The following GANC variants were observed in gnomAD, a reference collection of about 807,000 sequenced individuals.
GANC encodes neutral alpha-glucosidase C.
A neutral mutation model predicts 124.2 loss-of-function variants in GANC; 117 were observed. That is an observed-to-expected ratio of 0.94 (90% confidence interval 0.81 to 1.10). The LOEUF is 1.10. Ranked by LOEUF, GANC falls within the 50% of genes least tolerant of loss-of-function variation. The pLI is 0.00. For synonymous variants in GANC, 377 were observed against 376.8 expected (o/e 1.00, Z -0.01); for missense variants, 1,140 against 1,095.0 (o/e 1.04, Z -0.58).
At chr15:42,305,503 G>A (rs548157565) in intron 6 of GANC, among the ~76,000 whole-genome samples, 1 of 152,250 alleles carries the variant, frequency 6.6e-6, no homozygotes, top group East Asian at 1.9e-4. Flanking sequence ...GTTGGTGGGA[G>A]TGTAAATTAG....
At chr15:42,343,583 T>C (rs564096622) in intron 19 of GANC, among the ~76,000 whole-genome samples, 8 of 152,156 alleles carry the variant, frequency 5.3e-5, no homozygotes, top group Non-Finnish European at 7.4e-5. Context: ...CTCACTGAAG[T>C]GGGTAAAAAG....
At chr15:42,296,190 C>T (rs558852092) in intron 5 of GANC, among the ~76,000 whole-genome samples, 2 of 151,692 alleles carry the variant, frequency 1.3e-5, no homozygotes, top group Non-Finnish European at 2.9e-5. Context: ...AGTATTGATC[C>T]CTTTATCATT....
At chr15:42,340,864 T>G (rs2052325024) in intron 18 of GANC, 110 bp downstream of exon 18, 1 of 814,326 alleles carries the variant, frequency 1.2e-6, no homozygotes, top group Non-Finnish European at 1.9e-6. Context: ...CCTCCCGGTT[T>G]CAAGAAATTG....
rs778977423 is a variant in GANC, at chr15:42,351,448, A to G, written c.2635+16A>G. The G allele has an allele frequency of 3.3e-6, 5 of 1,536,510 alleles. No homozygotes were observed. In the East Asian group the frequency reaches 9.0e-5, roughly 28 times the overall value. ...CACTCATCTGGTGAGAAAGCAGTCCATTCTTACCTCACCATTTGTTTTTAT... is the reference window on the plus strand; with the variant it reads ...CACTCATCTGGTGAGAAAGCAGTCCGTTCTTACCTCACCATTTGTTTTTAT... On this transcript the variant is annotated intron_variant, in intron 23 of 23. Coordinates refer to ENST00000318010, the MANE Select transcript of GANC (RefSeq NM_198141.3).
intron 19 of GANC, 27 bp downstream of exon 19, chr15:42,343,181 GA>G (rs974498164): frequency 1.3e-6 from 2 of 1,577,134 alleles, no homozygotes; most frequent in Middle Eastern, 1.7e-4. Flanking sequence ...CCACATATCT[GA>G]TATGTCTCAT....
At chr15:42,284,627 A>G (rs927093230) in intron 3 of GANC, among the ~76,000 whole-genome samples, 18 of 152,140 alleles carry the variant, frequency 1.2e-4, no homozygotes, top group African/African-American at 4.3e-4. Flanking sequence ...ATTGGATATT[A>G]ACACATCTTA....
chr15:42,315,654 C>T (rs955962884), intron 10 of GANC, among the ~76,000 whole-genome samples: 2 of 152,066 alleles, frequency 1.3e-5, no homozygotes, highest in African/African-American at 2.4e-5. Context: ...TTGACTAGGT[C>T]GTGGTACCCA....
At chr15:42,307,337 C>T (rs1595772028) in intron 7 of GANC, among the ~76,000 whole-genome samples, 1 of 135,048 alleles carries the variant, frequency 7.4e-6, no homozygotes. Context: ...ATCTTTTTAT[C>T]TTTTTTTTTT....
rs1050848791 is a variant in GANC, at chr15:42,273,566, G to C, written c.-916G>C. On this transcript the variant is annotated 5_prime_UTR_variant, in exon 1 of 24. Transcript: ENST00000318010. ...TCTCTCAGACAGTCGTCTGTGCGCCGTGAGACTTTGGACCTACTGCGCAGG... is the reference window on the plus strand; with the variant it reads ...TCTCTCAGACAGTCGTCTGTGCGCCCTGAGACTTTGGACCTACTGCGCAGG... 3.2e-6 allele frequency: 4 copies of C among 1,244,904 alleles called. No homozygotes were observed. Among genetic ancestry groups the C allele is most frequent in the Non-Finnish European group, 2.2e-6 (2 of 917,764 alleles). The allele number at this position is 1,244,904 out of a possible 1,614,324, so 77.1% of individuals were successfully genotyped here. A position where few individuals can be genotyped will look rare whatever the true frequency, so the allele number is the denominator to read the frequency against.
chr15:42,286,247 C>A (rs950869924), intron 3 of GANC, among the ~76,000 whole-genome samples: 2 of 152,148 alleles, frequency 1.3e-5, no homozygotes, highest in African/African-American at 4.8e-5. Context: ...CATTAATAAC[C>A]CTTCTTAATC....
At chr15:42,308,695 C>T (rs917251114) in intron 8 of GANC, among the ~76,000 whole-genome samples, 14 of 152,150 alleles carry the variant, frequency 9.2e-5, no homozygotes, top group African/African-American at 3.4e-4. Flanking sequence ...CCATGTTGGC[C>T]AGGCTGGTCT....
rs1006905546 is a variant in GANC, at chr15:42,274,120, C to T, written c.-362C>T. 9.2e-5 allele frequency: 23 copies of T among 250,716 alleles called. No individual in the cohort carries two copies. The highest frequency in any genetic ancestry group is 3.0e-4 in the Admixed American group (5 of 16,782). 15.5% of individuals were successfully genotyped at this position (250,716 alleles called of 1,614,324 possible). ...GATGCTTCGTCCCAGTCAGGGAGGC[C>T]GTCTCGGCATTTCCAGGTTCTTAAC... On this transcript the variant is annotated 5_prime_UTR_variant, in exon 1 of 24. Coordinates refer to ENST00000318010, the MANE Select transcript of GANC (RefSeq NM_198141.3).
At chr15:42,317,246 T>C (rs1301747337) in intron 10 of GANC, among the ~76,000 whole-genome samples, 1 of 152,140 alleles carries the variant, frequency 6.6e-6, no homozygotes, top group Non-Finnish European at 1.5e-5. Context: ...TAAAAAGAAA[T>C]GAAGTTCTGA....
intron 10 of GANC, among the ~76,000 whole-genome samples, chr15:42,311,287 A>T (rs188787233): frequency 7.2e-5 from 11 of 152,362 alleles, no homozygotes; most frequent in African/African-American, 2.4e-4. Flanking sequence ...ATTGTACTGG[A>T]ATTTCTAGCC....
At chr15:42,348,509 C>T (rs2052388187) in intron 21 of GANC, among the ~76,000 whole-genome samples, 2 of 152,190 alleles carry the variant, frequency 1.3e-5, no homozygotes, top group Non-Finnish European at 2.9e-5. Flanking sequence ...CCATAGACAG[C>T]CTTCCCACGT....
chr15:42,340,414 C>T (rs2052320375), intron 17 of GANC, among the ~76,000 whole-genome samples: 1 of 152,022 alleles, frequency 6.6e-6, no homozygotes, highest in African/African-American at 2.4e-5. Flanking sequence ...CGAGACCAGC[C>T]TGACCAATAT....
chr15:42,334,142 T>C (rs1366275414), intron 15 of GANC, among the ~76,000 whole-genome samples: 1 of 146,424 alleles, frequency 6.8e-6, no homozygotes, highest in African/African-American at 2.5e-5. Context: ...ACCTAACTTC[T>C]GGAAAAAAAC....
chr15:42,320,115 G>A (rs896642674), intron 10 of GANC, among the ~76,000 whole-genome samples: 3 of 152,190 alleles, frequency 2.0e-5, no homozygotes, highest in Admixed American at 6.5e-5. Flanking sequence ...ACCCAGAGGC[G>A]GAGGTTGCAG....
intron 10 of GANC, among the ~76,000 whole-genome samples, chr15:42,312,098 A>G (rs1205237313): frequency 1.3e-5 from 2 of 152,258 alleles, no homozygotes; most frequent in East Asian, 1.9e-4. Flanking sequence ...GCAGTAATAT[A>G]GAAAGTGATT....
Sources: allele counts gnomAD v4.1 joint callset (sites outside exome capture counted in the v4.1 genomes callset), GRCh38; gene constraint gnomAD v4.1.1; transcripts MANE v1.5; gene names NCBI Gene and HGNC (gene_info 2026-07-23, HGNC 2026-07-21).